The following ACSS2 variants were observed in gnomAD, a reference collection of about 807,000 sequenced individuals.
ACSS2 encodes acetyl-coenzyme A synthetase, cytoplasmic.
A neutral mutation model predicts 90.6 loss-of-function variants in ACSS2; 58 were observed. The observed-to-expected ratio is 0.64, with a 90% CI of 0.52 to 0.80. The LOEUF (loss-of-function observed/expected upper bound fraction) is 0.80, where lower values mean the gene tolerates loss of function less well. ACSS2 is among the 30% of genes least tolerant of loss of function. The pLI, the probability that ACSS2 is intolerant of heterozygous loss-of-function variation, is 0.00. For missense variants in ACSS2, 759 were observed against 912.0 expected, an observed-to-expected ratio of 0.83 and a Z score of 2.16; for synonymous variants, 300 against 330.9, an observed-to-expected ratio of 0.91 and a Z score of 1.01.
At position 34,921,670 on chromosome 20, in the gene ACSS2, G is replaced by A. The variant is rs372757730; in HGVS notation, c.1467+70G>A. ...TGTCTTGGGGCACTTGGCCTAGTTA[G>A]ATAGTGGAGAACTGGACTGACATGT... On this transcript the variant is annotated intron_variant, in intron 12 of 17. Transcript: ENST00000360596. The A allele has an allele frequency of 4.3e-5, 69 of 1,612,126 alleles. No homozygotes were observed. In the Admixed American group the frequency reaches 6.0e-4, roughly 14 times the overall value.
At chr20:34,908,213 C>T (rs879911347) in intron 2 of ACSS2, among the ~76,000 whole-genome samples, 4 of 152,152 alleles carry the variant, frequency 2.6e-5, no homozygotes, top group East Asian at 3.9e-4. Flanking sequence ...TGGCCAAAAG[C>T]GTGGAGGTGG....
chr20:34,913,327 T>G, intron 3 of ACSS2, 66 bp from the exon 4 acceptor site: 1 of 1,573,214 alleles, frequency 6.4e-7, no homozygotes, highest in Non-Finnish European at 8.7e-7. Flanking sequence ...GGAGGCCAGC[T>G]GGATGGGAGG....
In ACSS2 at chr20:34,927,410, T is replaced by A; in HGVS notation, c.*196T>A. On this transcript the variant is annotated 3_prime_UTR_variant, in exon 18 of 18. Coordinates refer to ENST00000360596, the MANE Select transcript of ACSS2 (RefSeq NM_018677.4). This position sits in a 1 kb window ranked among gnomAD's most constrained non-coding sequence, Gnocchi z 4.2. ...CCAGGCAGAAAGGACAGGGCCCAGG[T>A]CAGCCTCAGTCTGCTGTGCCTCCAG... 1 of 697,482 alleles carries A rather than the reference T, an allele frequency of 1.4e-6. No homozygotes were observed. Among genetic ancestry groups the A allele is most frequent in the Admixed American group, 2.8e-5 (1 of 35,228 alleles). The allele number at this position is 697,482 out of a possible 1,614,324, so 43.2% of individuals were successfully genotyped here. A position where few individuals can be genotyped will look rare whatever the true frequency, so the allele number is the denominator to read the frequency against.
At chr20:34,892,958 A>G (rs1341705700) in intron 2 of ACSS2, among the ~76,000 whole-genome samples, 2 of 152,194 alleles carry the variant, frequency 1.3e-5, no homozygotes, top group South Asian at 4.1e-4. Flanking sequence ...GTGGCTTCCT[A>G]AACAACCATG....
chr20:34,920,800 G>C, intron 9 of ACSS2, 91 bp downstream of exon 9: 1 of 1,490,788 alleles, frequency 6.7e-7, no homozygotes, highest in East Asian at 2.3e-5. Context: ...GAGGGAGGGG[G>C]ACTTATACAA....
Position 34,881,049 on chromosome 20 carries a change from TAG to T in ACSS2, c.179-1742_179-1741del, listed in dbSNP as rs1157372512. On this transcript the variant is annotated intron_variant, in intron 1 of 17. Coordinates refer to ENST00000360596, the MANE Select transcript of ACSS2 (RefSeq NM_018677.4). ...TTTTTTTTTTTTTTTTTTTTTGAGA[TAG>T]AGTCTTGTTCTGTTGCCTAGGCTGG... is the stretch of plus-strand genomic sequence containing the variant. Among the ~76,000 whole-genome samples the T allele has an allele frequency of 2.3e-5, 3 of 127,740 alleles. No homozygotes were observed. The Admixed American group carries it at 2.6e-4, about 11-fold the overall frequency. 83.8% of individuals were successfully genotyped at this position (127,740 alleles called of 152,430 possible).
At chr20:34,911,970 A>C (rs1292354701) in intron 2 of ACSS2, among the ~76,000 whole-genome samples, 1 of 152,038 alleles carries the variant, frequency 6.6e-6, no homozygotes, top group Non-Finnish European at 1.5e-5. Flanking sequence ...GGCGTGTGCC[A>C]CCACACCCAG....
chr20:34,916,672 C>A (rs188493376), intron 7 of ACSS2, among the ~76,000 whole-genome samples: 6 of 152,310 alleles, frequency 3.9e-5, no homozygotes, highest in African/African-American at 1.4e-4. Context: ...CTGCAAAAAT[C>A]TTTCTGACAA....
intron 2 of ACSS2, among the ~76,000 whole-genome samples, chr20:34,884,160 A>G (rs2080135054): frequency 6.6e-6 from 1 of 152,128 alleles, no homozygotes; most frequent in African/African-American, 2.4e-5. Context: ...GGGTTTCACC[A>G]TGTTGCCCAG....
At chr20:34,886,033 T>C (rs1484092661) in intron 2 of ACSS2, among the ~76,000 whole-genome samples, 1 of 151,988 alleles carries the variant, frequency 6.6e-6, no homozygotes, top group East Asian at 1.9e-4. Flanking sequence ...CATTTTATTA[T>C]AAGAAAGTAA....
chr20:34,885,645 A>G (rs956926531), intron 2 of ACSS2, among the ~76,000 whole-genome samples: 1 of 152,218 alleles, frequency 6.6e-6, no homozygotes, highest in Non-Finnish European at 1.5e-5. Flanking sequence ...AAGATGTCCT[A>G]TATTAGAGAT....
rs563714126 is a variant in ACSS2 at position 34,922,075 on chromosome 20, C to T, written c.1548+209C>T. ...TTTTGGGCCATAAGTCTCCTAAGGG[C>T]GTTTTAAGAGTTGCTCAGATTCCTG... is the stretch of plus-strand genomic sequence containing the variant. On this transcript the variant is annotated intron_variant, in intron 13 of 17. Transcript: ENST00000360596. 18 of 1,244,810 alleles carry T rather than the reference C, an allele frequency of 1.4e-5. No homozygotes were observed. The East Asian group carries it at 1.5e-4, about 10-fold the overall frequency. 77.1% of individuals were successfully genotyped at this position (1,244,810 alleles called of 1,614,324 possible).
rs1215809494 is a variant in ACSS2 at position 34,902,303 on chromosome 20, TAATTC to T, written c.375-10792_375-10788del. 1.8e-4 allele frequency among the ~76,000 whole-genome samples: 27 copies of T among 152,092 alleles called. 1 individual carries two copies. The highest frequency in any genetic ancestry group is 1.5e-5 in the Non-Finnish European group (1 of 68,032). ...ATAATAATAAGTAAACAAGTAATAT[TAATTC>T]TATTAATAATATTAACAATAACAAT... On this transcript the variant is annotated intron_variant, in intron 2 of 17. Coordinates refer to ENST00000360596, the MANE Select transcript of ACSS2 (RefSeq NM_018677.4).
chr20:34,893,539 ATTTTTTTTTT>A (rs1191367309), intron 2 of ACSS2: 1 of 132,232 alleles, frequency 7.6e-6, no homozygotes, highest in Non-Finnish European at 1.6e-5. Flanking sequence ...TGCCCAGCTA[ATTTTTTTTTT>A]TTTTTTTTTG....
At chr20:34,908,861 T>TG (rs775026040) in intron 2 of ACSS2, 44 of 380,036 alleles carry the variant, frequency 1.2e-4, no homozygotes, top group Middle Eastern at 7.5e-4. Flanking sequence ...AACTCCATCT[T>TG]GGGAAAAAAA....
chr20:34,909,798 C>CGAT (rs2080904115), intron 2 of ACSS2, among the ~76,000 whole-genome samples: 1 of 151,624 alleles, frequency 6.6e-6, no homozygotes, highest in Non-Finnish European at 1.5e-5. Flanking sequence ...CTCGCTGTAG[C>CGAT]CTTCACCTTC....
In ACSS2 at chr20:34,882,871, G is replaced by A. The variant is rs768795451; in HGVS notation, c.256G>A (p.Val86Met). 2.0e-5 allele frequency: 33 copies of A among 1,613,828 alleles called. No homozygotes were observed. The Admixed American group carries it at 3.5e-4, about 17-fold the overall frequency. The change falls in exon 2 of 18, where the codon GTG becomes ATG. Residue 86 changes from valine (V) to methionine (M), a missense_variant. By Grantham distance (21) the Val-to-Met change is conservative (BLOSUM62 1). Transcript: ENST00000360596. ...PGPFLRYNFDVTKGKIFIEWM... is the reference protein window; with the variant it reads ...PGPFLRYNFDMTKGKIFIEWM... Reference sequence around the variant, plus strand: ...CCCATTCCTTCGGTACAACTTTGATGTGACTAAAGGGAAAATCTTCATTGA... The same window carrying A: ...CCCATTCCTTCGGTACAACTTTGATATGACTAAAGGGAAAATCTTCATTGA...
At chr20:34,889,828 A>T (rs1282456190) in intron 2 of ACSS2, among the ~76,000 whole-genome samples, 1 of 152,168 alleles carries the variant, frequency 6.6e-6, no homozygotes, top group African/African-American at 2.4e-5. Context: ...GTGAAAGAGG[A>T]GTTACGGTTG....
At chr20:34,883,073 C>T in intron 2 of ACSS2, 84 bp downstream of exon 2, 1 of 1,075,574 alleles carries the variant, frequency 9.3e-7, no homozygotes. Context: ...AGCAAAGTGT[C>T]ATCAACTTAA....
Sources: gnomAD v4.1 joint callset for allele counts (sites outside exome capture counted in the v4.1 genomes callset) on GRCh38, gnomAD v4.1.1 for gene constraint, Gnocchi (gnomAD v3.1) non-coding constraint, MANE v1.5 for transcripts, NCBI Gene and HGNC (gene_info 2026-07-23, HGNC 2026-07-21) for gene names.